EMB: variants seen among roughly 807,000 people sequenced by gnomAD.
EMB encodes the protein embigin homolog.
A neutral mutation model predicts 41.4 loss-of-function variants in EMB; 31 were observed. That is an observed-to-expected ratio of 0.75 (90% CI 0.56 to 1.01). EMB has a LOEUF of 1.01. Among genes scored for constraint, EMB ranks in the 50% least tolerant of loss-of-function variants. The pLI is 0.00. For synonymous variants in EMB, 137 were observed against 140.4 expected (o/e 0.98, Z 0.17); for missense variants, 379 against 388.3 (o/e 0.98, Z 0.20).
intron 2 of EMB, among the ~76,000 whole-genome samples, chr5:50,422,974 C>T (rs957386761): frequency 1.3e-5 from 2 of 151,792 alleles, no homozygotes; most frequent in Admixed American, 6.6e-5. Flanking sequence ...CACAATTATG[C>T]CCAGAGAGAT....
At position 50,403,436 on chromosome 5, in the gene EMB, T is replaced by C; in HGVS notation, c.619A>G (p.Met207Val). ...GSVKVPVGVQ[M>V]NKYVINGTYA... ...GTTCCATTGATCACATATTTATTCA[T>C]TTGAACACCAACAGGAACCTAATAT... is the stretch of plus-strand genomic sequence containing the variant. The change falls in exon 6 of 9, where the codon ATG (methionine) becomes GTG (valine). Residue 207 changes from methionine to valine, a missense_variant. Coordinates refer to ENST00000303221, the MANE Select transcript of EMB (RefSeq NM_198449.3). 1 of 1,612,188 alleles carries C rather than the reference T, an allele frequency of 6.2e-7. No homozygotes were observed. Among genetic ancestry groups the C allele is most frequent in the Non-Finnish European group, 8.5e-7 (1 of 1,178,814 alleles).
chr5:50,438,662 A>C (rs1481592124), intron 1 of EMB, among the ~76,000 whole-genome samples: 133 of 152,284 alleles, frequency 8.7e-4, no homozygotes, highest in African/African-American at 2.3e-3. Context: ...AAAGAGAAAA[A>C]TGAATTTCCC....
At chr5:50,400,156 C>T (rs999510210) in intron 7 of EMB, among the ~76,000 whole-genome samples, 2 of 151,978 alleles carry the variant, frequency 1.3e-5, no homozygotes, top group South Asian at 2.1e-4. Context: ...AATTGCTTCT[C>T]CCCAAGCATG....
intron 2 of EMB, among the ~76,000 whole-genome samples, chr5:50,416,495 C>G (rs767218511): frequency 6.6e-5 from 10 of 152,140 alleles, no homozygotes; most frequent in Non-Finnish European, 1.2e-4. Context: ...AAATAAAAGT[C>G]TGCTTTGTTC....
At chr5:50,440,509 G>C (rs1324272224) in intron 1 of EMB, among the ~76,000 whole-genome samples, 1 of 131,388 alleles carries the variant, frequency 7.6e-6, no homozygotes, top group African/African-American at 3.1e-5. Flanking sequence ...CTCCAGCCTG[G>C]GCAACAAGAG....
intron 1 of EMB, among the ~76,000 whole-genome samples, chr5:50,435,744 A>G (rs1745793487): frequency 1.3e-5 from 2 of 152,168 alleles, no homozygotes; most frequent in Non-Finnish European, 2.9e-5. Flanking sequence ...AATCTTTAGT[A>G]CTTTGTACCC....
chr5:50,428,289 T>C, intron 1 of EMB, 62 bp from the exon 2 acceptor site: 1 of 1,414,806 alleles, frequency 7.1e-7, no homozygotes, highest in Non-Finnish European at 9.8e-7. Context: ...ATCTAAAAAC[T>C]ACTTTGAAAC....
At chr5:50,416,977 G>T (rs1450962259) in intron 2 of EMB, among the ~76,000 whole-genome samples, 1 of 152,126 alleles carries the variant, frequency 6.6e-6, no homozygotes, top group Admixed American at 6.6e-5. Flanking sequence ...CTGGCCCTGA[G>T]CTGCTACTCT....
chr5:50,417,312 G>A (rs1012142741), intron 2 of EMB, among the ~76,000 whole-genome samples: 23 of 152,218 alleles, frequency 1.5e-4, no homozygotes, highest in Non-Finnish European at 2.9e-4. Context: ...AATGTTGTGC[G>A]TCTTAAACAT....
At chr5:50,407,916 T>G (rs1343343891) in intron 4 of EMB, among the ~76,000 whole-genome samples, 1 of 151,984 alleles carries the variant, frequency 6.6e-6, no homozygotes, top group East Asian at 1.9e-4. Context: ...AATTGGAGAC[T>G]ATATTTGTAT....
intron 2 of EMB, among the ~76,000 whole-genome samples, chr5:50,420,868 C>A (rs182775309): frequency 1.8e-4 from 27 of 152,272 alleles, no homozygotes; most frequent in African/African-American, 6.5e-4. Context: ...ATGAGGAATT[C>A]TAGGTGGAAA....
chr5:50,441,898 A>C (rs1245217525), upstream of EMB, among the ~76,000 whole-genome samples: 1 of 152,182 alleles, frequency 6.6e-6, no homozygotes, highest in African/African-American at 2.4e-5. Context: ...CTGAGAGTAG[A>C]TACTATGTAA....
chr5:50,407,725 G>A (rs1457318966), intron 4 of EMB, among the ~76,000 whole-genome samples: 20 of 151,940 alleles, frequency 1.3e-4, no homozygotes, highest in Admixed American at 1.3e-3. Flanking sequence ...TAAGGACAGT[G>A]AGACAGTATT....
chr5:50,420,372 C>T (rs1208648509), intron 2 of EMB, among the ~76,000 whole-genome samples: 1 of 152,168 alleles, frequency 6.6e-6, no homozygotes, highest in Admixed American at 6.5e-5. Flanking sequence ...GATATTTAGT[C>T]TTACAATGGT....
chr5:50,403,185 C>T lies in EMB; in HGVS notation c.870G>A (p.Lys290=), dbSNP rs749917892. The change falls in exon 6 of 9, where the codon AAG becomes AAA. Residue 290 remains lysine (K), a synonymous_variant. Coordinates refer to ENST00000303221, the MANE Select transcript of EMB (RefSeq NM_198449.3). ...LCEKYTQKKK[K]HSDEGKEFEQ... ...AAAAAAAAGAAATCCCACCTGAGTG[C>T]TTCTTTTTCTTTTGTGTGTACTTTT... 7 of 1,590,374 alleles carry T rather than the reference C, an allele frequency of 4.4e-6. No homozygotes were observed. The East Asian group carries it at 9.0e-5, about 20-fold the overall frequency.
chr5:50,430,531 T>C (rs898345544), intron 1 of EMB, among the ~76,000 whole-genome samples: 11 of 152,124 alleles, frequency 7.2e-5, no homozygotes, highest in Admixed American at 7.2e-4. Context: ...TGATGGAGAA[T>C]ATGAAGCTGG....
chr5:50,399,628 T>C (rs1248138295), intron 8 of EMB, among the ~76,000 whole-genome samples: 1 of 152,000 alleles, frequency 6.6e-6, no homozygotes, highest in Non-Finnish European at 1.5e-5. Context: ...ATGTAGCCAG[T>C]GCAAAAGATT....
At chr5:50,415,400 T>A (rs1745412705) in intron 2 of EMB, among the ~76,000 whole-genome samples, 1 of 152,156 alleles carries the variant, frequency 6.6e-6, no homozygotes, top group Non-Finnish European at 1.5e-5. Context: ...TCCTTATTTG[T>A]AAGGTGGGAC....
intron 1 of EMB, among the ~76,000 whole-genome samples, chr5:50,440,101 T>TAA (rs1745872929): frequency 1.3e-5 from 2 of 151,898 alleles, no homozygotes; most frequent in Admixed American, 1.3e-4. Context: ...ATCTCACACA[T>TAA]ACACACACAC....
Sources: allele counts gnomAD v4.1 joint callset (sites outside exome capture counted in the v4.1 genomes callset), GRCh38; gene constraint gnomAD v4.1.1; transcripts MANE v1.5; gene names NCBI Gene and HGNC (gene_info 2026-07-23, HGNC 2026-07-21).